TSPAN9: variants seen among roughly 807,000 people sequenced by gnomAD.
TSPAN9 encodes tetraspanin 9, also known as tetraspanin-9.
Under a neutral mutation model 31.0 loss-of-function variants are expected in TSPAN9, and 16 were observed. The observed-to-expected ratio is 0.52, with a 90% CI of 0.35 to 0.78. The LOEUF (loss-of-function observed/expected upper bound fraction) is 0.78. TSPAN9 is among the 30% of genes least tolerant of loss of function. TSPAN9 has a pLI of 0.01. For synonymous variants in TSPAN9, 145 were observed against 121.6 expected (o/e 1.19, Z -1.27); for missense variants, 272 against 312.5 (o/e 0.87, Z 0.98).
chr12:3,121,174 C>A (rs1201150294), intron 2 of TSPAN9, among the ~76,000 whole-genome samples: 1 of 152,184 alleles, frequency 6.6e-6, no homozygotes, highest in Non-Finnish European at 1.5e-5. Flanking sequence ...GCTTGACAGA[C>A]CTAATCCCAT....
intron 2 of TSPAN9, among the ~76,000 whole-genome samples, chr12:3,140,345 C>T (rs539702322): frequency 4.6e-5 from 7 of 152,186 alleles, no homozygotes; most frequent in East Asian, 1.9e-4. Context: ...CTTCTCTCAT[C>T]GAACAAGATA....
At position 3,202,043 on chromosome 12, in the gene TSPAN9, G is replaced by C. The variant is rs369526779; in HGVS notation, c.63+787G>C. On this transcript the variant is annotated intron_variant, in intron 3 of 8. Coordinates refer to ENST00000011898, the MANE Select transcript of TSPAN9 (RefSeq NM_006675.5). ...CCTGTCCTTGGTGAGAGGCACTTTT[G>C]TAGAGAAGGTATGAATGGGTAGGGC... Among the ~76,000 whole-genome samples, 8 of 152,358 alleles carry C rather than the reference G, an allele frequency of 5.3e-5. No homozygotes were observed. The East Asian group carries it at 7.7e-4, about 15-fold the overall frequency.
intron 2 of TSPAN9, among the ~76,000 whole-genome samples, chr12:3,117,853 C>A (rs1481262876): frequency 6.6e-6 from 1 of 152,082 alleles, no homozygotes; most frequent in African/African-American, 2.4e-5. Flanking sequence ...GGTCCCGGAC[C>A]CCTCCAGCGA....
At chr12:3,210,961 G>A (rs1217071340) in intron 3 of TSPAN9, among the ~76,000 whole-genome samples, 1 of 152,042 alleles carries the variant, frequency 6.6e-6, no homozygotes, top group Non-Finnish European at 1.5e-5. Context: ...GTCCAGGCTG[G>A]TCTCAACCTC....
At chr12:3,121,201 G>A (rs1041352243) in intron 2 of TSPAN9, among the ~76,000 whole-genome samples, 2 of 152,172 alleles carry the variant, frequency 1.3e-5, no homozygotes, top group African/African-American at 2.4e-5. Context: ...CTCCCAGAGC[G>A]AGGCTCTTTT....
At chr12:3,079,944 AATT>A (rs1565567624) in intron 1 of TSPAN9, among the ~76,000 whole-genome samples, 1 of 130,126 alleles carries the variant, frequency 7.7e-6, no homozygotes, top group Non-Finnish European at 1.8e-5. Flanking sequence ...TAATTAAAAA[AATT>A]TTTTTTTTTT....
At chr12:3,281,358 C>T in intron 7 of TSPAN9, 29 bp downstream of exon 7, 1 of 1,536,146 alleles carries the variant, frequency 6.5e-7, no homozygotes, top group Non-Finnish European at 8.8e-7. Flanking sequence ...CGCTTGGGTC[C>T]AAGAGCCCGT....
chr12:3,203,016 A>C (rs2098372830), intron 3 of TSPAN9, among the ~76,000 whole-genome samples: 1 of 152,078 alleles, frequency 6.6e-6, no homozygotes, highest in Non-Finnish European at 1.5e-5. Flanking sequence ...CATTGTTCAC[A>C]GCTTCCTTCT....
Position 3,283,463 on chromosome 12 carries a change from G to A in TSPAN9, c.*347G>A. 4.8e-6 allele frequency: 1 copy of A among 209,862 alleles called. No homozygotes were observed. Among genetic ancestry groups the A allele is most frequent in the Admixed American group, 5.9e-5 (1 of 16,978 alleles). 13.0% of individuals were successfully genotyped at this position (209,862 alleles called of 1,614,324 possible). Reference sequence around the variant, plus strand: ...ACACTGACACTTTGTCCCCACATGGGGTGGGGAGCAGAGTGCCCGCCCCGT... The same window carrying A: ...ACACTGACACTTTGTCCCCACATGGAGTGGGGAGCAGAGTGCCCGCCCCGT... On this transcript the variant is annotated 3_prime_UTR_variant, in exon 9 of 9. Transcript: ENST00000011898.
intron 2 of TSPAN9, among the ~76,000 whole-genome samples, chr12:3,198,130 AC>A (rs1383994699): frequency 2.3e-5 from 2 of 86,516 alleles, no homozygotes; most frequent in Non-Finnish European, 2.4e-5. Flanking sequence ...AGCACAGGCC[AC>A]CACCAGCACA....
At chr12:3,206,280 G>A in intron 3 of TSPAN9, 1 of 455,978 alleles carries the variant, frequency 2.2e-6, no homozygotes, top group South Asian at 1.5e-5. Context: ...CTGTGCACAG[G>A]ATCCTCCAGT....
chr12:3,201,845 C>T (rs73252660), intron 3 of TSPAN9, among the ~76,000 whole-genome samples: 5,665 of 152,252 alleles, frequency 0.037, 365 homozygotes, highest in African/African-American at 0.13. Flanking sequence ...GATATGCTCC[C>T]GAGTTGGGGC....
intron 2 of TSPAN9, among the ~76,000 whole-genome samples, chr12:3,141,014 G>T (rs757560810): frequency 4.6e-5 from 7 of 151,860 alleles, no homozygotes; most frequent in Non-Finnish European, 1.0e-4. Flanking sequence ...TCATAGTAGG[G>T]GAGGGAGGGG....
intron 3 of TSPAN9, among the ~76,000 whole-genome samples, chr12:3,233,699 T>G (rs1215658881): frequency 6.6e-6 from 1 of 152,278 alleles, no homozygotes; most frequent in Non-Finnish European, 1.5e-5. Flanking sequence ...GCAAAGCTGC[T>G]GTGAGCATCT....
intron 2 of TSPAN9, among the ~76,000 whole-genome samples, chr12:3,098,075 C>G (rs66707615): frequency 6.6e-6 from 1 of 152,104 alleles, no homozygotes; most frequent in African/African-American, 2.4e-5. Flanking sequence ...AGAGTGCAGC[C>G]GGATGTGACA....
chr12:3,102,118 CTT>C (rs200562029), intron 2 of TSPAN9, among the ~76,000 whole-genome samples: 2 of 151,146 alleles, frequency 1.3e-5, no homozygotes, highest in African/African-American at 4.9e-5. Flanking sequence ...TTCCCCCTGC[CTT>C]TTTTTCTTTT....
At chr12:3,164,306 A>G (rs2098347153) in intron 2 of TSPAN9, among the ~76,000 whole-genome samples, 1 of 152,246 alleles carries the variant, frequency 6.6e-6, no homozygotes, top group African/African-American at 2.4e-5. Flanking sequence ...CAGAAATGAA[A>G]GAGGAGTTTG....
chr12:3,242,941 T>C (rs904777561), intron 3 of TSPAN9, among the ~76,000 whole-genome samples: 1 of 152,208 alleles, frequency 6.6e-6, no homozygotes, highest in African/African-American at 2.4e-5. Flanking sequence ...GGGCCTGTCA[T>C]AGAGGGACCC....
chr12:3,136,090 T>C (rs2098331989), intron 2 of TSPAN9, among the ~76,000 whole-genome samples: 1 of 152,180 alleles, frequency 6.6e-6, no homozygotes, highest in South Asian at 2.1e-4. Flanking sequence ...GACACAGTGC[T>C]CCTGGCCTGG....
Sources: allele counts gnomAD v4.1 joint callset (sites outside exome capture counted in the v4.1 genomes callset), GRCh38; gene constraint gnomAD v4.1.1; transcripts MANE v1.5; gene names NCBI Gene and HGNC (gene_info 2026-07-23, HGNC 2026-07-21).